The following EVI5 variants were observed in gnomAD, a reference collection of about 807,000 sequenced individuals.
EVI5 encodes the protein ecotropic viral integration site 5 protein homolog.
EVI5 carries 73 observed loss-of-function variants against 112.0 expected under a neutral mutation model. The ratio of observed to expected loss-of-function variants is 0.65; its 90% CI spans 0.54 to 0.79. The LOEUF is 0.79. Among genes scored for constraint, EVI5 ranks in the 30% least tolerant of loss-of-function variants. The pLI, the probability that EVI5 is intolerant of heterozygous loss-of-function variation, is 0.00. For synonymous variants in EVI5, 305 were observed against 319.9 expected (o/e 0.95, Z 0.50); for missense variants, 900 against 968.8 (o/e 0.93, Z 0.94).
At chr1:92,579,473 A>G (rs563819793) in intron 18 of EVI5, among the ~76,000 whole-genome samples, 2 of 152,334 alleles carry the variant, frequency 1.3e-5, no homozygotes, top group East Asian at 3.9e-4. Flanking sequence ...GACAGCCTAT[A>G]AAAAATATCA....
intron 18 of EVI5, among the ~76,000 whole-genome samples, chr1:92,582,524 A>C (rs1194249031): frequency 6.6e-6 from 1 of 152,156 alleles, no homozygotes; most frequent in Non-Finnish European, 1.5e-5. Context: ...AAAGAGCACA[A>C]GCAAAAGCCT....
chr1:92,541,878 G>T (rs1427435744), intron 19 of EVI5, among the ~76,000 whole-genome samples: 1 of 152,106 alleles, frequency 6.6e-6, no homozygotes, highest in East Asian at 1.9e-4. Context: ...AATTAAAAAT[G>T]GTTTACTCCT....
At chr1:92,658,494 A>C (rs1057177600) in intron 13 of EVI5, among the ~76,000 whole-genome samples, 1 of 152,216 alleles carries the variant, frequency 6.6e-6, no homozygotes, top group South Asian at 2.1e-4. Context: ...CTACAAAAAA[A>C]TTTAAATACC....
rs538606553 is a variant in EVI5 at position 92,608,166 on chromosome 1, A to AAAAT, written c.1828-443_1828-440dup. 9.3e-3 allele frequency among the ~76,000 whole-genome samples: 1,414 copies of AAAAT among 151,924 alleles called. 19 individuals carry two copies. Among genetic ancestry groups the AAAAT allele is most frequent in the African/African-American group, 0.032 (1,315 of 41,472 alleles). On this transcript the variant is annotated intron_variant, in intron 16 of 19. Transcript: ENST00000684568. The stretch of plus-strand genomic sequence containing the variant: ...ACTCCGTCTCAAAAAAAAAAAATTA[A>AAAAT]AAATAAATAAATAAATAAATAAAAT...
At chr1:92,517,884 GCTT>G (rs1660182554) in intron 19 of EVI5, among the ~76,000 whole-genome samples, 2 of 132,452 alleles carry the variant, frequency 1.5e-5, no homozygotes, top group Admixed American at 1.5e-4. Flanking sequence ...AATATTATAT[GCTT>G]TTTTTTTTTT....
intron 18 of EVI5, among the ~76,000 whole-genome samples, chr1:92,573,712 T>C (rs539216591): frequency 6.6e-6 from 1 of 152,214 alleles, no homozygotes; most frequent in African/African-American, 2.4e-5. Context: ...GTCAGTTCCC[T>C]GTCTACAGAG....
intron 19 of EVI5, among the ~76,000 whole-genome samples, chr1:92,552,163 A>G (rs1419843254): frequency 6.6e-6 from 1 of 151,814 alleles, no homozygotes; most frequent in Non-Finnish European, 1.5e-5. Context: ...GCCAGCTTCA[A>G]AGAGTTCCCA....
At position 92,535,855 on chromosome 1, in the gene EVI5, C is replaced by T. The variant is rs1663803061; in HGVS notation, c.2167-21885G>A. On this transcript the variant is annotated intron_variant, in intron 19 of 19. Transcript: ENST00000684568. ...GCAAACCACCATGGCACGTGTATACCTATGTAACAAACCTGCACGTTCTGC... is the reference window on the plus strand; with the variant it reads ...GCAAACCACCATGGCACGTGTATACTTATGTAACAAACCTGCACGTTCTGC... 1.3e-5 allele frequency among the ~76,000 whole-genome samples: 2 copies of T among 151,950 alleles called. 1 individual carries two copies. Among genetic ancestry groups the T allele is most frequent in the South Asian group, 4.2e-4 (2 of 4,798 alleles).
chr1:92,535,292 A>G (rs1663669626), intron 19 of EVI5, among the ~76,000 whole-genome samples: 1 of 152,162 alleles, frequency 6.6e-6, no homozygotes, highest in African/African-American at 2.4e-5. Flanking sequence ...AAATAGGAAC[A>G]CTTTTACACT....
At chr1:92,636,076 G>C in intron 14 of EVI5, 126 bp downstream of exon 14, 1 of 716,084 alleles carries the variant, frequency 1.4e-6, no homozygotes, top group Non-Finnish European at 2.2e-6. Flanking sequence ...TTTCCTCTTA[G>C]TAACTAATAT....
At chr1:92,766,789 C>T (rs1000489005) in intron 1 of EVI5, among the ~76,000 whole-genome samples, 1 of 152,120 alleles carries the variant, frequency 6.6e-6, no homozygotes, top group Non-Finnish European at 1.5e-5. Context: ...ATAAACAATT[C>T]ATTAATTCTC....
chr1:92,708,978 G>T (rs1672436689), intron 2 of EVI5, among the ~76,000 whole-genome samples: 1 of 152,182 alleles, frequency 6.6e-6, no homozygotes, highest in Admixed American at 6.5e-5. Flanking sequence ...GACTGCTAAT[G>T]TGTGTGCAGT....
chr1:92,761,178 T>C (rs1681813953), intron 1 of EVI5, among the ~76,000 whole-genome samples: 1 of 152,140 alleles, frequency 6.6e-6, no homozygotes, highest in Non-Finnish European at 1.5e-5. Flanking sequence ...CTATTACAAG[T>C]ACCTCAAGTT....
intron 19 of EVI5, among the ~76,000 whole-genome samples, chr1:92,516,806 G>T (rs1659964808): frequency 6.6e-6 from 1 of 151,346 alleles, no homozygotes; most frequent in African/African-American, 2.4e-5. Context: ...CTTATTACCA[G>T]ACTTTCAGGG....
At chr1:92,713,305 T>C (rs965159342) in intron 2 of EVI5, among the ~76,000 whole-genome samples, 11 of 151,730 alleles carry the variant, frequency 7.2e-5, no homozygotes, top group Non-Finnish European at 1.0e-4. Context: ...TACACAATAC[T>C]AGTATTGTCT....
intron 18 of EVI5, among the ~76,000 whole-genome samples, chr1:92,587,709 G>C (rs1035979970): frequency 1.3e-5 from 2 of 151,972 alleles, no homozygotes; most frequent in African/African-American, 4.8e-5. Context: ...GTTATCTGTT[G>C]GGCAAACTAA....
chr1:92,592,195 A>T (rs1232076219), intron 18 of EVI5, among the ~76,000 whole-genome samples: 1 of 152,180 alleles, frequency 6.6e-6, no homozygotes, highest in Non-Finnish European at 1.5e-5. Context: ...GTGAGCCAGG[A>T]CCTTGCCACT....
intron 12 of EVI5, 30 bp from the exon 13 acceptor site, chr1:92,662,895 C>A (rs1402639974): frequency 2.4e-6 from 3 of 1,238,598 alleles, no homozygotes; most frequent in Admixed American, 2.8e-5. Flanking sequence ...GTGTGTAAAG[C>A]AATTTAGGAT....
intron 18 of EVI5, among the ~76,000 whole-genome samples, chr1:92,582,045 C>A (rs181311210): frequency 5.9e-5 from 9 of 152,284 alleles, no homozygotes; most frequent in African/African-American, 2.2e-4. Flanking sequence ...GTTGTGTGAA[C>A]ACCGTAGGGT....
Sources: allele counts gnomAD v4.1 joint callset (sites outside exome capture counted in the v4.1 genomes callset), GRCh38; gene constraint gnomAD v4.1.1; transcripts MANE v1.5; gene names NCBI Gene and HGNC (gene_info 2026-07-23, HGNC 2026-07-21).